Variants in MAP4 observed in about 807,000 individuals in gnomAD.
MAP4 encodes microtubule-associated protein 4.
MAP4 carries 76 observed loss-of-function variants against 170.2 expected under a neutral mutation model. That is an observed-to-expected ratio of 0.45 (90% confidence interval 0.37 to 0.54). MAP4 has a LOEUF of 0.54. Ranked by LOEUF, MAP4 falls within the 20% of genes least tolerant of loss-of-function variation. The pLI, the probability that MAP4 is intolerant of heterozygous loss-of-function variation, is 0.00. For synonymous variants in MAP4, 909 were observed against 994.5 expected, an observed-to-expected ratio of 0.91 and a Z score of 1.62; for missense variants, 2,506 against 2,748.0, an observed-to-expected ratio of 0.91 and a Z score of 1.97.
chr3:47,852,988 A>G, intron 20 of MAP4, 50 bp from the exon 21 acceptor site: 2 of 1,614,172 alleles, frequency 1.2e-6, no homozygotes, highest in Non-Finnish European at 1.7e-6. Flanking sequence ...GGGAGACAAG[A>G]GGGGAACACG....
intron 1 of MAP4, among the ~76,000 whole-genome samples, chr3:48,051,061 A>T (rs1279411653): frequency 6.6e-6 from 1 of 151,890 alleles, no homozygotes; most frequent in Non-Finnish European, 1.5e-5. Flanking sequence ...TGCAAATGCT[A>T]ATCAAATCAC....
intron 1 of MAP4, among the ~76,000 whole-genome samples, chr3:48,012,735 T>G (rs1324845432): frequency 1.3e-5 from 2 of 152,142 alleles, no homozygotes; most frequent in Non-Finnish European, 2.9e-5. Flanking sequence ...TAGCTGAAAT[T>G]CAGCCTAAGA....
chr3:48,055,194 CTCTCCG>C (rs1209559579), intron 1 of MAP4, among the ~76,000 whole-genome samples: 30,052 of 98,122 alleles, frequency 0.31, 3,306 homozygotes, highest in Admixed American at 0.43. Flanking sequence ...CTCCCTCTCC[CTCTCCG>C]TCTCCGTCTC....
rs574442662 is a variant in MAP4, at chr3:47,979,530, T to A, written c.224-1597A>T. Among the ~76,000 whole-genome samples, 20 of 151,948 alleles carry A rather than the reference T, an allele frequency of 1.3e-4. No individual in the cohort carries two copies. In the South Asian group the frequency reaches 4.2e-3, roughly 32 times the overall value. ...GAGTGCAGTGGCGCAATCTTGACGC[T>A]CTGCAACCTCCACCTCCTGGGTTCA... On this transcript the variant is annotated intron_variant, in intron 2 of 20. Transcript: ENST00000683076.
chr3:48,085,349 T>A (rs907677854), intron 1 of MAP4, among the ~76,000 whole-genome samples: 1 of 152,174 alleles, frequency 6.6e-6, no homozygotes, highest in Admixed American at 6.6e-5. Context: ...TTAGGAAGAA[T>A]CTACTCTCTG....
chr3:48,088,697 A>C (rs2154578203), intron 1 of MAP4: 1 of 152,220 alleles, frequency 6.6e-6, no homozygotes, highest in Non-Finnish European at 1.5e-5. Flanking sequence ...CAGCTGCCGC[A>C]GGGCAAGGCT....
At chr3:47,864,857 A>C (rs1386969470) in intron 17 of MAP4, among the ~76,000 whole-genome samples, 3 of 152,110 alleles carry the variant, frequency 2.0e-5, no homozygotes, top group Non-Finnish European at 4.4e-5. Context: ...ACAGAGCAAG[A>C]CTTTTTTTTG....
intron 17 of MAP4, among the ~76,000 whole-genome samples, chr3:47,866,090 G>A (rs1205332106): frequency 6.6e-6 from 1 of 152,196 alleles, no homozygotes; most frequent in Admixed American, 6.5e-5. Flanking sequence ...TGTAATCCCA[G>A]CACTTTGGGA....
Position 47,943,371 on chromosome 3 carries a change from GGAGGCTGAGGCCCACAGATGACAT to G in MAP4, c.293-15045_293-15022del, listed in dbSNP as rs2100057717. Among the ~76,000 whole-genome samples the G allele has an allele frequency of 2.6e-5, 4 of 152,264 alleles. No homozygotes were observed. In the South Asian group the frequency reaches 8.3e-4, roughly 32 times the overall value. Reference sequence around the variant, plus strand: ...TCATGCCTGTAATCCCAGCACTTTGGGAGGCTGAGGCCCACAGATGACATGAGGTCAAGAGTTCAAGACCAGTCT... The same window carrying G: ...TCATGCCTGTAATCCCAGCACTTTGGGAGGTCAAGAGTTCAAGACCAGTCT... On this transcript the variant is annotated intron_variant, in intron 3 of 20. Coordinates refer to ENST00000683076, the MANE Select transcript of MAP4 (RefSeq NM_001385682.1).
intron 3 of MAP4, among the ~76,000 whole-genome samples, chr3:47,955,709 A>C (rs921373032): frequency 2.1e-4 from 32 of 152,178 alleles, no homozygotes; most frequent in Non-Finnish European, 4.0e-4. Context: ...CAACAATGAA[A>C]AAGAGGGTAC....
At chr3:47,985,101 G>A (rs2100087806) in intron 2 of MAP4, among the ~76,000 whole-genome samples, 1 of 151,844 alleles carries the variant, frequency 6.6e-6, no homozygotes, top group East Asian at 1.9e-4. Flanking sequence ...CCAACGTGGT[G>A]AAACCCCATC....
At chr3:48,026,910 CA>C (rs1345688294) in intron 1 of MAP4, among the ~76,000 whole-genome samples, 1 of 152,194 alleles carries the variant, frequency 6.6e-6, no homozygotes, top group Non-Finnish European at 1.5e-5. Flanking sequence ...GACTACCCCC[CA>C]AAAACCCTAC....
intron 2 of MAP4, among the ~76,000 whole-genome samples, chr3:47,998,410 G>A (rs2100097177): frequency 6.6e-6 from 1 of 152,160 alleles, no homozygotes; most frequent in Non-Finnish European, 1.5e-5. Flanking sequence ...TTATATGGTT[G>A]TTGAAACATT....
intron 10 of MAP4, chr3:47,892,458 TGA>T: frequency 2.6e-6 from 4 of 1,534,270 alleles, no homozygotes; most frequent in South Asian, 1.2e-5. Flanking sequence ...TACGCGGCAG[TGA>T]GAGAGGCTGT....
At chr3:47,874,147 G>A (rs1337546964) in intron 12 of MAP4, among the ~76,000 whole-genome samples, 1 of 152,160 alleles carries the variant, frequency 6.6e-6, no homozygotes, top group Non-Finnish European at 1.5e-5. Context: ...GGGCCTCTCT[G>A]AGCTTTATTT....
At chr3:47,966,228 CTTTTTTTTTTTTTTTTTTTTT>C (rs757460367) in intron 3 of MAP4, among the ~76,000 whole-genome samples, 89 of 50,260 alleles carry the variant, frequency 1.8e-3, no homozygotes, top group African/African-American at 5.9e-3. Context: ...CCCACACTAC[CTTTTTTTTTTTTTTTTTTTTT>C]TTTTTTTTTT....
chr3:48,032,997 C>T (rs1328748196), intron 1 of MAP4, among the ~76,000 whole-genome samples: 1 of 152,166 alleles, frequency 6.6e-6, no homozygotes, highest in East Asian at 1.9e-4. Context: ...TGGTGATGTG[C>T]ACATCTAATA....
chr3:47,951,765 C>G (rs1354384139), intron 3 of MAP4, among the ~76,000 whole-genome samples: 2 of 152,186 alleles, frequency 1.3e-5, no homozygotes, highest in Non-Finnish European at 2.9e-5. Flanking sequence ...CTCTGCCCGG[C>G]AGCCACCCCG....
chr3:47,993,360 A>G (rs186238995), intron 2 of MAP4, among the ~76,000 whole-genome samples: 1 of 152,300 alleles, frequency 6.6e-6, no homozygotes, highest in Admixed American at 6.5e-5. Flanking sequence ...ATAAAGGAGG[A>G]GATGATGTTG....
Sources: allele counts gnomAD v4.1 joint callset (sites outside exome capture counted in the v4.1 genomes callset), GRCh38; gene constraint gnomAD v4.1.1; transcripts MANE v1.5; gene names NCBI Gene and HGNC (gene_info 2026-07-23, HGNC 2026-07-21).